The following MICU1 variants were observed in gnomAD, a reference collection of about 807,000 sequenced individuals.
MICU1 encodes the protein mitochondrial calcium uptake 1.
In MICU1, 45 loss-of-function variants were observed where a neutral mutation model predicts 56.8. The observed-to-expected ratio is 0.79, with a 90% CI of 0.62 to 1.02. The LOEUF (loss-of-function observed/expected upper bound fraction) is 1.02, where lower values mean the gene tolerates loss of function less well. MICU1 is among the 50% of genes least tolerant of loss of function. MICU1 has a pLI of 0.00. For synonymous variants in MICU1, 186 were observed against 195.1 expected, an observed-to-expected ratio of 0.95 and a Z score of 0.39; for missense variants, 504 against 587.1, an observed-to-expected ratio of 0.86 and a Z score of 1.46.
At chr10:72,533,416 A>G (rs185485149) in intron 5 of MICU1, among the ~76,000 whole-genome samples, 23 of 152,306 alleles carry the variant, frequency 1.5e-4, no homozygotes, top group Admixed American at 8.5e-4. Flanking sequence ...AAATCAGGGA[A>G]GCGTTTTGTA....
intron 3 of MICU1, among the ~76,000 whole-genome samples, chr10:72,562,147 C>CTTTTTTTTTTTTTTTT (rs533702573): frequency 1.2e-5 from 1 of 82,650 alleles, no homozygotes; most frequent in African/African-American, 5.0e-5. Context: ...TACATAAAAT[C>CTTTTTTTTTTTTTTTT]TTTTTTTTTT....
intron 4 of MICU1, 74 bp from the exon 5 acceptor site, chr10:72,533,863 GT>G: frequency 1.9e-6 from 2 of 1,056,426 alleles, no homozygotes; most frequent in Non-Finnish European, 2.7e-6. Flanking sequence ...ACAGCTCTTG[GT>G]TTTGTTTCCA....
At chr10:72,623,665 A>G (rs1842164349) in intron 1 of MICU1, among the ~76,000 whole-genome samples, 1 of 151,930 alleles carries the variant, frequency 6.6e-6, no homozygotes, top group Non-Finnish European at 1.5e-5. Context: ...AACATGTAAA[A>G]CCCCATCTCT....
intron 6 of MICU1, chr10:72,502,722 A>G (rs1867120759): frequency 6.5e-6 from 1 of 153,146 alleles, no homozygotes; most frequent in Non-Finnish European, 1.5e-5. Flanking sequence ...GTTACCCACA[A>G]GAAAGGAGAG....
intron 1 of MICU1, among the ~76,000 whole-genome samples, chr10:72,568,207 C>T (rs1840494747): frequency 6.6e-6 from 1 of 152,084 alleles, no homozygotes; most frequent in Admixed American, 6.5e-5. Context: ...ATAGTTCAAA[C>T]TTCACTTAAA....
At chr10:72,482,838 T>C (rs368379580) in intron 6 of MICU1, among the ~76,000 whole-genome samples, 388 of 23,308 alleles carry the variant, frequency 0.017, 3 homozygotes, top group African/African-American at 0.066. Flanking sequence ...TATATATACA[T>C]ATATATATAT....
At chr10:72,599,431 GC>G (rs1841464788) in intron 1 of MICU1, among the ~76,000 whole-genome samples, 1 of 152,140 alleles carries the variant, frequency 6.6e-6, no homozygotes, top group South Asian at 2.1e-4. Context: ...CCTGAACCAT[GC>G]AACTCCATCC....
At chr10:72,532,654 C>T (rs538228387) in intron 5 of MICU1, among the ~76,000 whole-genome samples, 43 of 152,256 alleles carry the variant, frequency 2.8e-4, no homozygotes, top group Non-Finnish European at 5.6e-4. Flanking sequence ...GACCTTGAGC[C>T]GAGGTCTCCT....
chr10:72,511,872 T>C (rs1867461934), intron 5 of MICU1, among the ~76,000 whole-genome samples: 1 of 152,212 alleles, frequency 6.6e-6, no homozygotes, highest in East Asian at 1.9e-4. Flanking sequence ...ATTTGCTGTC[T>C]CCAGATCCCT....
chr10:72,548,043 C>A (rs769796291), intron 4 of MICU1, among the ~76,000 whole-genome samples: 2 of 152,202 alleles, frequency 1.3e-5, no homozygotes, highest in Non-Finnish European at 2.9e-5. Context: ...GCCTTTATAT[C>A]TCCAAATGTG....
chr10:72,402,864 A>T (rs1296887020), intron 10 of MICU1, among the ~76,000 whole-genome samples: 1 of 152,024 alleles, frequency 6.6e-6, no homozygotes, highest in Non-Finnish European at 1.5e-5. Flanking sequence ...CCTGGGCAAC[A>T]TGGTGAAACT....
rs11376019 is a variant in MICU1 at position 72,566,039 on chromosome 10, CTTTTTT to C, written c.161+588_161+593del. On this transcript the variant is annotated intron_variant, in intron 2 of 11. Transcript: ENST00000361114. Reference sequence around the variant, plus strand: ...TGAAGTCTCAGAAAGCATTCATTTTCTTTTTTTTTTTTTTTTTTTTTTTGGAGACAG... The same window carrying C: ...TGAAGTCTCAGAAAGCATTCATTTTCTTTTTTTTTTTTTTTTTGGAGACAG... Among the ~76,000 whole-genome samples, 622 of 69,866 alleles carry C rather than the reference CTTTTTT, an allele frequency of 8.9e-3. 4 individuals carry two copies. The highest frequency in any genetic ancestry group is 0.032 in the African/African-American group (583 of 17,962). 45.8% of individuals were successfully genotyped at this position (69,866 alleles called of 152,430 possible).
chr10:72,425,456 G>A (rs1376358413), intron 8 of MICU1, among the ~76,000 whole-genome samples: 1 of 152,210 alleles, frequency 6.6e-6, no homozygotes, highest in African/African-American at 2.4e-5. Context: ...AGACAGTAAG[G>A]TCAATTTCCA....
intron 1 of MICU1, among the ~76,000 whole-genome samples, chr10:72,624,052 T>C (rs1842172933): frequency 6.6e-6 from 1 of 152,060 alleles, no homozygotes; most frequent in Non-Finnish European, 1.5e-5. Flanking sequence ...GGTGGCAAAA[T>C]TGGGTTTAAA....
At chr10:72,589,293 A>AG (rs1841156156) in intron 1 of MICU1, among the ~76,000 whole-genome samples, 2 of 130,928 alleles carry the variant, frequency 1.5e-5, no homozygotes, top group African/African-American at 7.5e-5. Context: ...CGTCTCAGGG[A>AG]AAAAAAAAAA....
intron 8 of MICU1, among the ~76,000 whole-genome samples, chr10:72,452,445 A>G (rs993807944): frequency 5.3e-5 from 8 of 152,338 alleles, no homozygotes; most frequent in African/African-American, 1.9e-4. Flanking sequence ...ATGGTAATAT[A>G]ATGAGGAAAT....
At chr10:72,524,871 T>C in intron 5 of MICU1, 1 of 533,254 alleles carries the variant, frequency 1.9e-6, no homozygotes, top group Non-Finnish European at 2.9e-6. Context: ...ATAATATCAC[T>C]GAACACCTGG....
At chr10:72,416,292 A>G (rs189764985) in intron 9 of MICU1, among the ~76,000 whole-genome samples, 1 of 152,322 alleles carries the variant, frequency 6.6e-6, no homozygotes. Flanking sequence ...ACAGGTTTCA[A>G]AGCTAATTAG....
intron 6 of MICU1, among the ~76,000 whole-genome samples, chr10:72,502,216 G>A (rs1034910005): frequency 1.8e-4 from 27 of 149,332 alleles, no homozygotes; most frequent in Non-Finnish European, 2.7e-4. Context: ...GTGCAGTGGC[G>A]CAACCTCAGC....
Sources: allele counts gnomAD v4.1 joint callset (sites outside exome capture counted in the v4.1 genomes callset), GRCh38; gene constraint gnomAD v4.1.1; transcripts MANE v1.5; gene names NCBI Gene and HGNC (gene_info 2026-07-23, HGNC 2026-07-21).